The following CFAP95 variants were observed in gnomAD, a reference collection of about 807,000 sequenced individuals.
The protein encoded by CFAP95 is cilia- and flagella-associated protein 95.
the CFAP95 span, among the ~76,000 whole-genome samples, chr9:69,872,042 C>T: frequency 3.3e-5 from 5 of 152,162 alleles, no homozygotes; most frequent in African/African-American, 4.8e-5. Flanking sequence ...CAACAATCCT[C>T]GTTAGAAAGG....
the CFAP95 span, among the ~76,000 whole-genome samples, chr9:69,905,351 A>T: frequency 6.6e-6 from 1 of 152,182 alleles, no homozygotes; most frequent in Non-Finnish European, 1.5e-5. Flanking sequence ...CCTTGGTGTA[A>T]TCGGAAAGAA....
chr9:69,877,572 T>A, the CFAP95 span, among the ~76,000 whole-genome samples: 1 of 152,354 alleles, frequency 6.6e-6, no homozygotes, highest in Admixed American at 6.5e-5. Flanking sequence ...ATTTTCCTCC[T>A]TTGATTATGC....
chr9:69,849,944 C>T, the CFAP95 span, among the ~76,000 whole-genome samples: 1 of 152,160 alleles, frequency 6.6e-6, no homozygotes, highest in Non-Finnish European at 1.5e-5. Context: ...CAGGTGAATT[C>T]CATGAAAACT....
At chr9:69,847,944 G>A in the CFAP95 span, among the ~76,000 whole-genome samples, 452 of 152,324 alleles carry the variant, frequency 3.0e-3, no homozygotes, top group Non-Finnish European at 5.5e-3. Flanking sequence ...CTCATGTGCC[G>A]AAGTAAAGAA....
chr9:69,858,033 T>A, the CFAP95 span: 1 of 1,552,504 alleles, frequency 6.4e-7, no homozygotes, highest in Non-Finnish European at 8.9e-7. Context: ...TTCAGAAGGT[T>A]TGTTTGCAGG....
chr9:69,829,127 T>A, the CFAP95 span, among the ~76,000 whole-genome samples: 1 of 152,254 alleles, frequency 6.6e-6, no homozygotes, highest in African/African-American at 2.4e-5. Context: ...CAACGGTGGA[T>A]CCTACGCCAC....
At chr9:69,896,890 GA>G in the CFAP95 span, among the ~76,000 whole-genome samples, 24 of 150,974 alleles carry the variant, frequency 1.6e-4, no homozygotes, top group African/African-American at 5.1e-4. Context: ...CTCTGTCTCT[GA>G]AAAAAAAATT....
chr9:69,872,069 T>C, the CFAP95 span, among the ~76,000 whole-genome samples: 1 of 152,190 alleles, frequency 6.6e-6, no homozygotes, highest in Non-Finnish European at 1.5e-5. Context: ...AGGGGTAAAG[T>C]GACTTTCCAA....
the CFAP95 span, among the ~76,000 whole-genome samples, chr9:69,822,316 G>A: frequency 2.0e-5 from 3 of 152,254 alleles, no homozygotes; most frequent in South Asian, 2.1e-4. Context: ...TAATATATGC[G>A]ACCCCTGCAG....
At chr9:69,856,115 A>C in the CFAP95 span, among the ~76,000 whole-genome samples, 1 of 152,180 alleles carries the variant, frequency 6.6e-6, no homozygotes, top group Non-Finnish European at 1.5e-5. Flanking sequence ...ACATCGCAAT[A>C]ATTGCTTAGT....
chr9:69,834,738 A>C, the CFAP95 span, among the ~76,000 whole-genome samples: 2 of 152,222 alleles, frequency 1.3e-5, no homozygotes, highest in Non-Finnish European at 1.5e-5. Context: ...GTCTCCATCA[A>C]ATGGTTTCCT....
chr9:69,899,329 T>A, the CFAP95 span, among the ~76,000 whole-genome samples: 1 of 152,246 alleles, frequency 6.6e-6, no homozygotes. Context: ...GCAACTCACG[T>A]ATGCAGAGGA....
the CFAP95 span, among the ~76,000 whole-genome samples, chr9:69,853,400 A>T: frequency 2.6e-5 from 4 of 152,212 alleles, no homozygotes; most frequent in Non-Finnish European, 5.9e-5. Context: ...GATATTATGA[A>T]ATGAGCTTCC....
chr9:69,837,065 A>C, the CFAP95 span, among the ~76,000 whole-genome samples: 7 of 150,938 alleles, frequency 4.6e-5, no homozygotes, highest in Admixed American at 2.0e-4. Context: ...TGAACTCATC[A>C]TTTTTTATGG....
At chr9:69,893,702 A>G in the CFAP95 span, among the ~76,000 whole-genome samples, 2 of 152,202 alleles carry the variant, frequency 1.3e-5, no homozygotes, top group Non-Finnish European at 2.9e-5. Flanking sequence ...TGTATTCTAA[A>G]GTGTGGTTTT....
At chr9:69,888,046 A>G in the CFAP95 span, among the ~76,000 whole-genome samples, 1 of 152,222 alleles carries the variant, frequency 6.6e-6, no homozygotes. Flanking sequence ...CAGATATCTC[A>G]AATAAAAAGG....
At chr9:69,861,730 CAA>C in the CFAP95 span, among the ~76,000 whole-genome samples, 8,506 of 86,630 alleles carry the variant, frequency 0.098, 202 homozygotes, top group South Asian at 0.12. Flanking sequence ...TCTTATGAGT[CAA>C]AAAAAAAAAA....
the CFAP95 span, among the ~76,000 whole-genome samples, chr9:69,905,049 A>G: frequency 6.6e-6 from 1 of 152,150 alleles, no homozygotes; most frequent in African/African-American, 2.4e-5. Flanking sequence ...AATAATTCAT[A>G]CCTCAGAGCC....
chr9:69,833,705 G>A, the CFAP95 span, among the ~76,000 whole-genome samples: 6 of 151,988 alleles, frequency 3.9e-5, no homozygotes, highest in East Asian at 1.2e-3. Context: ...GTTATAATCT[G>A]GGGATGATAA....
Sources: allele counts gnomAD v4.1 joint callset (sites outside exome capture counted in the v4.1 genomes callset), GRCh38; gene constraint gnomAD v4.1.1; transcripts MANE v1.5; gene names NCBI Gene and HGNC (gene_info 2026-07-23, HGNC 2026-07-21).